The following FNIP1 variants were observed in gnomAD, a reference collection of about 807,000 sequenced individuals.
FNIP1 encodes the protein folliculin interacting protein 1.
Under a neutral mutation model 124.5 loss-of-function variants are expected in FNIP1, and 40 were observed. That is an observed-to-expected ratio of 0.32 (90% CI 0.25 to 0.42). FNIP1 has a LOEUF of 0.42. FNIP1 is among the 10% of genes least tolerant of loss of function. The pLI is 1.00. For missense variants in FNIP1, 1,176 were observed against 1,403.7 expected (o/e 0.84, Z 2.59); for synonymous variants, 472 against 470.6 (o/e 1.00, Z -0.04).
intron 3 of FNIP1, among the ~76,000 whole-genome samples, chr5:131,721,734 G>A (rs1326382159): frequency 6.6e-6 from 1 of 152,210 alleles, no homozygotes; most frequent in African/African-American, 2.4e-5. Flanking sequence ...GGAGGCAGAG[G>A]TTGTAGTGAG....
chr5:131,653,658 A>T (rs972842246), intron 15 of FNIP1, among the ~76,000 whole-genome samples: 1 of 152,228 alleles, frequency 6.6e-6, no homozygotes, highest in African/African-American at 2.4e-5. Flanking sequence ...AGTATTGAAG[A>T]TCTCTGTGAA....
intron 16 of FNIP1, among the ~76,000 whole-genome samples, chr5:131,650,594 T>A (rs1767011290): frequency 6.6e-6 from 1 of 152,196 alleles, no homozygotes; most frequent in Non-Finnish European, 1.5e-5. Context: ...TCTTTTCCAA[T>A]CTTGAAGTCT....
rs183129482 is a variant in FNIP1, at chr5:131,748,446, C to T, written c.93-3756G>A. On this transcript the variant is annotated intron_variant, in intron 1 of 17. Transcript: ENST00000510461. ...CAGTGGCTCACACCTGTAATCCCAG[C>T]ACTTTGGGAGGCTGAGGTGGGCAGA... Among the ~76,000 whole-genome samples the T allele has an allele frequency of 4.6e-5, 7 of 152,180 alleles. No individual in the cohort carries two copies. In the East Asian group the frequency reaches 1.4e-3, roughly 29 times the overall value.
intron 15 of FNIP1, among the ~76,000 whole-genome samples, chr5:131,658,858 C>T (rs1195229985): frequency 7.7e-6 from 1 of 129,076 alleles, no homozygotes; most frequent in Non-Finnish European, 1.6e-5. Context: ...CTTGCTCCAG[C>T]TGACTGCTGT....
chr5:131,731,161 G>T, intron 2 of FNIP1, 123 bp from the exon 3 acceptor site: 2 of 789,446 alleles, frequency 2.5e-6, no homozygotes, highest in Non-Finnish European at 1.9e-6. Context: ...ACATTAATAT[G>T]GCTATTGGCA....
intron 3 of FNIP1, among the ~76,000 whole-genome samples, chr5:131,724,778 G>A (rs564188086): frequency 1.3e-5 from 2 of 151,148 alleles, no homozygotes; most frequent in Non-Finnish European, 2.9e-5. Context: ...CTTTGCCTAT[G>A]CCTATGTCCT....
chr5:131,762,452 T>C (rs921222388), intron 1 of FNIP1, among the ~76,000 whole-genome samples: 9 of 152,108 alleles, frequency 5.9e-5, no homozygotes, highest in African/African-American at 2.2e-4. Flanking sequence ...TGAATAGACA[T>C]TTCTCAAAAG....
Position 131,704,209 on chromosome 5 carries a change from A to T in FNIP1, c.972T>A (p.Ile324=). 6.2e-7 allele frequency: 1 copy of T among 1,613,766 alleles called. No homozygotes were observed. The highest frequency in any genetic ancestry group is 8.5e-7 in the Non-Finnish European group (1 of 1,179,792). The change falls in exon 10 of 18, where the codon ATT becomes ATA. Residue 324 remains isoleucine (I), a synonymous_variant. Coordinates refer to ENST00000510461, the MANE Select transcript of FNIP1 (RefSeq NM_133372.3). ...SDESCGPNPG[I]VRKKKIAIGV... ...CAATTGCAATCTTCTTTTTCCGCAC[A>T]ATTCCTGGGTTAGGGCCACAGCTTT...
intron 12 of FNIP1, 52 bp from the exon 13 acceptor site, chr5:131,677,924 A>G: frequency 6.4e-7 from 1 of 1,568,902 alleles, no homozygotes; most frequent in Non-Finnish European, 8.7e-7. Flanking sequence ...ATGAAACCTT[A>G]GGTAAAATGT....
At chr5:131,765,256 T>C (rs1469192443) in intron 1 of FNIP1, among the ~76,000 whole-genome samples, 1 of 152,190 alleles carries the variant, frequency 6.6e-6, no homozygotes, top group Non-Finnish European at 1.5e-5. Flanking sequence ...AAAACTTTTC[T>C]TTCAGTTAAT....
chr5:131,751,548 G>A (rs1237570760), intron 1 of FNIP1, among the ~76,000 whole-genome samples: 1 of 150,730 alleles, frequency 6.6e-6, no homozygotes, highest in Non-Finnish European at 1.5e-5. Flanking sequence ...AAATATTTCA[G>A]GAGTGAATGG....
intron 11 of FNIP1, among the ~76,000 whole-genome samples, chr5:131,684,858 C>T (rs1768218203): frequency 6.6e-6 from 1 of 152,060 alleles, no homozygotes. Flanking sequence ...TTTGTCAATC[C>T]AATAGTATAA....
At chr5:131,742,007 T>A (rs960954170) in intron 2 of FNIP1, among the ~76,000 whole-genome samples, 1 of 152,106 alleles carries the variant, frequency 6.6e-6, no homozygotes, top group African/African-American at 2.4e-5. Context: ...GCAGGACAGA[T>A]GGACGCTGCT....
intron 1 of FNIP1, among the ~76,000 whole-genome samples, chr5:131,777,882 C>G (rs1280151454): frequency 6.6e-6 from 1 of 152,182 alleles, no homozygotes; most frequent in Non-Finnish European, 1.5e-5. Flanking sequence ...CCAGGTGATT[C>G]TGATGAATGC....
At chr5:131,684,270 A>G (rs1768193842) in intron 11 of FNIP1, among the ~76,000 whole-genome samples, 1 of 152,194 alleles carries the variant, frequency 6.6e-6, no homozygotes, top group African/African-American at 2.4e-5. Flanking sequence ...GGCAACTCAC[A>G]TTTTTCATTG....
chr5:131,720,844 G>T (rs1769632813), intron 3 of FNIP1, among the ~76,000 whole-genome samples: 1 of 152,154 alleles, frequency 6.6e-6, no homozygotes, highest in South Asian at 2.1e-4. Flanking sequence ...AAGTGGTGAG[G>T]ATGTGGGAAA....
At chr5:131,779,349 T>C (rs1771918349) in intron 1 of FNIP1, among the ~76,000 whole-genome samples, 2 of 151,944 alleles carry the variant, frequency 1.3e-5, no homozygotes, top group Admixed American at 1.3e-4. Flanking sequence ...CTATTAGTAA[T>C]TGTTTCAAGA....
At chr5:131,689,031 T>A (rs1002534724) in intron 11 of FNIP1, among the ~76,000 whole-genome samples, 2 of 151,800 alleles carry the variant, frequency 1.3e-5, no homozygotes, top group Non-Finnish European at 2.9e-5. Context: ...TCTACTCCTA[T>A]ATATATCATA....
intron 6 of FNIP1, among the ~76,000 whole-genome samples, chr5:131,711,495 T>C (rs1232580882): frequency 1.3e-5 from 2 of 152,196 alleles, no homozygotes; most frequent in Non-Finnish European, 2.9e-5. Flanking sequence ...AATTGCATGT[T>C]TCTTCTTTCC....
Sources: gnomAD v4.1 joint callset for allele counts (sites outside exome capture counted in the v4.1 genomes callset) on GRCh38, gnomAD v4.1.1 for gene constraint, MANE v1.5 for transcripts, NCBI Gene and HGNC (gene_info 2026-07-23, HGNC 2026-07-21) for gene names.